Variants in THBD observed in about 807,000 individuals in gnomAD.
The protein encoded by THBD is CD141 antigen.
For missense variants in THBD, 850 were observed against 816.9 expected (o/e 1.04, Z -0.49); for synonymous variants, 449 against 374.2 (o/e 1.20, Z -2.31).
Position 23,048,873 on chromosome 20 carries a change from C to A in THBD, c.632G>T (p.Ser211Ile). 6.6e-7 allele frequency: 1 copy of A among 1,506,474 alleles called. No homozygotes were observed. The highest frequency in any genetic ancestry group is 2.1e-5 in the Admixed American group (1 of 47,328). The allele number at this position is 1,506,474 out of a possible 1,614,324, so 93.3% of individuals were successfully genotyped here. A position where few individuals can be genotyped will look rare whatever the true frequency, so the allele number is the denominator to read the frequency against. Residue 211 changes from serine (S) to isoleucine (I), a missense_variant, in exon 1 of 1, where the codon AGC (serine) becomes ATC (isoleucine). Transcript: ENST00000377103. Reference protein sequence around the residue: ...GADFQALPVGSSAAVAPLGLQ... With the variant: ...GADFQALPVGISAAVAPLGLQ... ...GCCGAGGGGAGCCACCGCGGCGGAG[C>A]TGCCCACCGGCAGCGCCTGGAAGTC...
In THBD at chr20:23,047,754, C is replaced by G. The variant is rs1568665514; in HGVS notation, c.*23G>C. 1.9e-6 allele frequency: 3 copies of G among 1,548,132 alleles called. No individual in the cohort carries two copies. The South Asian group carries it at 3.5e-5, about 18-fold the overall frequency. Reference sequence around the variant, plus strand: ...AGGAGGCACAGGCTCCTGGACGGAGCCAGGCTCCTGGACGGAGGCCGCTCA... The same window carrying G: ...AGGAGGCACAGGCTCCTGGACGGAGGCAGGCTCCTGGACGGAGGCCGCTCA... On this transcript the variant is annotated 3_prime_UTR_variant, in exon 1 of 1. Transcript: ENST00000377103.
At position 23,047,791 on chromosome 20, in the gene THBD, GCGTC is replaced by G; in HGVS notation, c.1710_1713del (p.Thr571ArgfsTer31). ...ACGGAGGCCGCTCAGAGTCTCTGCG[GCGTC>G]CGCTCGGTCCGCACGTGCTGCAGCA... is the stretch of plus-strand genomic sequence containing the variant. On this transcript the variant is annotated frameshift_variant, in exon 1 of 1. Transcript: ENST00000377103. LOFTEE classifies it high-confidence loss of function. 6.3e-7 allele frequency: 1 copy of G among 1,587,600 alleles called. No individual in the cohort carries two copies. The highest frequency in any genetic ancestry group is 1.3e-5 in the African/African-American group (1 of 74,590).
In THBD at chr20:23,048,944, G is replaced by A. The variant is rs573436490; in HGVS notation, c.561C>T (p.Ala187=). 12 of 1,542,694 alleles carry A rather than the reference G, an allele frequency of 7.8e-6. No homozygotes were observed. In the African/African-American group the frequency reaches 1.2e-4, roughly 16 times the overall value. The change falls in exon 1 of 1, where the codon GCC becomes GCT. Residue 187 remains alanine (A), a synonymous_variant. Transcript: ENST00000377103. ...PLAVEPGAAA[A]AVSITYGTPF... ...GGGTGCCGTAGGTGATCGAGACGGC[G>A]GCAGCCGCGGCGCCGGGCTCCACAG...
Position 23,047,082 on chromosome 20 carries a change from T to G in THBD, c.*695A>C, listed in dbSNP as rs1306669457. 6.6e-6 allele frequency: 1 copy of G among 152,188 alleles called. No homozygotes were observed. Among genetic ancestry groups the G allele is most frequent in the Non-Finnish European group, 1.5e-5 (1 of 68,036 alleles). The allele number at this position is 152,188 out of a possible 1,614,324, so 9.4% of individuals were successfully genotyped here. A position where few individuals can be genotyped will look rare whatever the true frequency, so the allele number is the denominator to read the frequency against. ...ATCTGGTGAAAAAGCAAATGGCCATTTTTATTTTTAGTGTTTTTGTTTCTG... is the reference window on the plus strand; with the variant it reads ...ATCTGGTGAAAAAGCAAATGGCCATGTTTATTTTTAGTGTTTTTGTTTCTG... On this transcript the variant is annotated 3_prime_UTR_variant, in exon 1 of 1. Coordinates refer to ENST00000377103, the MANE Select transcript of THBD (RefSeq NM_000361.3).
chr20:23,049,511 C>T lies in THBD; in HGVS notation c.-7G>A, dbSNP rs763460576. ...GGACCAGGACCCCAAGCATGTTACC[C>T]AGGCGCGCCGCGTGCAGGCGCCGGG... On this transcript the variant is annotated 5_prime_UTR_variant, in exon 1 of 1. Coordinates refer to ENST00000377103, the MANE Select transcript of THBD (RefSeq NM_000361.3). 2 of 1,531,812 alleles carry T rather than the reference C, an allele frequency of 1.3e-6. No homozygotes were observed. The highest frequency in any genetic ancestry group is 1.8e-6 in the Non-Finnish European group (2 of 1,137,878). 94.9% of individuals were successfully genotyped at this position (1,531,812 alleles called of 1,614,324 possible). A position where few individuals can be genotyped will look rare whatever the true frequency, so the allele number is the denominator to read the frequency against.
In THBD at chr20:23,049,053, G is replaced by A. The variant is rs1346253745; in HGVS notation, c.452C>T (p.Pro151Leu). Residue 151 changes from proline (P) to leucine (L), a missense_variant, in exon 1 of 1, where the codon CCG becomes CTG. Coordinates refer to ENST00000377103, the MANE Select transcript of THBD (RefSeq NM_000361.3). The stretch of plus-strand genomic sequence containing the variant: ...TTCGCACTGCTGCTCCTCCCAGATC[G>A]GCTCGCTGGGCACAGTGGCCTCAGC... ...SAAEATVPSE[P>L]IWEEQQCEVK... 6.4e-7 allele frequency: 1 copy of A among 1,564,074 alleles called. No homozygotes were observed. Among genetic ancestry groups the A allele is most frequent in the South Asian group, 1.2e-5 (1 of 85,760 alleles).
In THBD at chr20:23,049,022, C is replaced by T; in HGVS notation, c.483G>A (p.Lys161=). The part of the protein sequence containing the change: ...PIWEEQQCEV[K]ADGFLCEFHF... Reference sequence around the variant, plus strand: ...GGAACTCGCAGAGGAAGCCATCGGCCTTCACTTCGCACTGCTGCTCCTCCC... The same window carrying T: ...GGAACTCGCAGAGGAAGCCATCGGCTTTCACTTCGCACTGCTGCTCCTCCC... Residue 161 remains lysine, a synonymous_variant, in exon 1 of 1, where the codon AAG becomes AAA. Coordinates refer to ENST00000377103, the MANE Select transcript of THBD (RefSeq NM_000361.3). 6 of 1,573,754 alleles carry T rather than the reference C, an allele frequency of 3.8e-6. No homozygotes were observed. Among genetic ancestry groups the T allele is most frequent in the Non-Finnish European group, 5.2e-6 (6 of 1,158,806 alleles).
rs1984598774 is a variant in THBD at position 23,047,471 on chromosome 20, C to G, written c.*306G>C. On this transcript the variant is annotated 3_prime_UTR_variant, in exon 1 of 1. Coordinates refer to ENST00000377103, the MANE Select transcript of THBD (RefSeq NM_000361.3). Reference sequence around the variant, plus strand: ...AGGTCAAGGTCTGCCCAGAAGGCTGCCGACCAATAACGCTCACCCTCCTGC... The same window carrying G: ...AGGTCAAGGTCTGCCCAGAAGGCTGGCGACCAATAACGCTCACCCTCCTGC... The G allele has an allele frequency of 2.0e-6, 1 of 494,886 alleles. No homozygotes were observed. Among genetic ancestry groups the G allele is most frequent in the Non-Finnish European group, 3.6e-6 (1 of 279,894 alleles). The allele number at this position is 494,886 out of a possible 1,614,324, so 30.7% of individuals were successfully genotyped here.
In THBD at chr20:23,048,619, A is replaced by T. The variant is rs1161772831; in HGVS notation, c.886T>A (p.Cys296Ser). The change falls in exon 1 of 1, where the codon TGC (cysteine) becomes AGC (serine). Residue 296 changes from cysteine (C) to serine (S), a missense_variant. Cys to Ser is a moderately radical substitution (Grantham distance 112). Coordinates refer to ENST00000377103, the MANE Select transcript of THBD (RefSeq NM_000361.3). ...CCCGGCTGGTCGGGGTTGGGAACGC[A>T]GAAGTGCTCGCAGAGGTCGTTGCAG... Reference protein sequence around the residue: ...QSCNDLCEHFCVPNPDQPGSY... With the variant: ...QSCNDLCEHFSVPNPDQPGSY... 6.3e-7 allele frequency: 1 copy of T among 1,597,982 alleles called. No homozygotes were observed. The highest frequency in any genetic ancestry group is 2.2e-5 in the East Asian group (1 of 44,802).
rs2122665991 is a variant in THBD at position 23,046,498 on chromosome 20, C to T, written c.*1279G>A. 1 of 152,336 alleles carries T rather than the reference C, an allele frequency of 6.6e-6. No individual in the cohort carries two copies. Among genetic ancestry groups the T allele is most frequent in the South Asian group, 2.1e-4 (1 of 4,824 alleles). 9.4% of individuals were successfully genotyped at this position (152,336 alleles called of 1,614,324 possible). A position where few individuals can be genotyped will look rare whatever the true frequency, so the allele number is the denominator to read the frequency against. On this transcript the variant is annotated 3_prime_UTR_variant, in exon 1 of 1. Transcript: ENST00000377103. ...TAGGATTCTGCATTTCTAACCAGCTCCCATGGGCAGGGCAGCTTCCAATTC... is the reference window on the plus strand; with the variant it reads ...TAGGATTCTGCATTTCTAACCAGCTTCCATGGGCAGGGCAGCTTCCAATTC...
In THBD at chr20:23,047,787, T is replaced by C; in HGVS notation, c.1718A>G (p.Gln573Arg). 1 of 1,585,398 alleles carries C rather than the reference T, an allele frequency of 6.3e-7. No homozygotes were observed. The highest frequency in any genetic ancestry group is 8.6e-7 in the Non-Finnish European group (1 of 1,166,992). Residue 573 changes from glutamine to arginine, a missense_variant, in exon 1 of 1, where the codon CAG becomes CGG. By Grantham distance (43) the Gln-to-Arg change is conservative. Transcript: ENST00000377103. ...CTGGACGGAGGCCGCTCAGAGTCTC[T>C]GCGGCGTCCGCTCGGTCCGCACGTG... ...LQHVRTERTP[Q>R]RL
rs1004255849 is a variant in THBD at position 23,045,646 on chromosome 20, A to T, written c.*2131T>A. 1 of 152,228 alleles carries T rather than the reference A, an allele frequency of 6.6e-6. No homozygotes were observed. The highest frequency in any genetic ancestry group is 1.5e-5 in the Non-Finnish European group (1 of 68,048). 9.4% of individuals were successfully genotyped at this position (152,228 alleles called of 1,614,324 possible). On this transcript the variant is annotated 3_prime_UTR_variant, in exon 1 of 1. Coordinates refer to ENST00000377103, the MANE Select transcript of THBD (RefSeq NM_000361.3). ...CGGACACACAGCTGGGATTCGCCAG[A>T]TGCCCCAGGAAGGGTTTATTTAATT...
At position 23,046,073 on chromosome 20, in the gene THBD, T is replaced by A. The variant is rs1296408499; in HGVS notation, c.*1704A>T. The A allele has an allele frequency of 6.6e-6, 1 of 152,340 alleles. No homozygotes were observed. Among genetic ancestry groups the A allele is most frequent in the Non-Finnish European group, 1.5e-5 (1 of 68,026 alleles). The allele number at this position is 152,340 out of a possible 1,614,324, so 9.4% of individuals were successfully genotyped here. The stretch of plus-strand genomic sequence containing the variant: ...TGCCTGTGTTCTAGATTATCTCCAA[T>A]AAATAAATAACTATGTACAAATATT... On this transcript the variant is annotated 3_prime_UTR_variant, in exon 1 of 1. Coordinates refer to ENST00000377103, the MANE Select transcript of THBD (RefSeq NM_000361.3).
In THBD at chr20:23,048,598, G is replaced by C; in HGVS notation, c.907C>G (p.Pro303Ala). ...EHFCVPNPDQ[P>A]GSYSCMCETG... ...TCGCACATGCACGAGTAGGAGCCCGGCTGGTCGGGGTTGGGAACGCAGAAG... is the reference window on the plus strand; with the variant it reads ...TCGCACATGCACGAGTAGGAGCCCGCCTGGTCGGGGTTGGGAACGCAGAAG... The change falls in exon 1 of 1, where the codon CCG becomes GCG. Residue 303 changes from proline to alanine, a missense_variant. By Grantham distance (27) the Pro-to-Ala change is conservative (BLOSUM62 -1). Transcript: ENST00000377103. 1 of 1,598,836 alleles carries C rather than the reference G, an allele frequency of 6.3e-7. No individual in the cohort carries two copies. The highest frequency in any genetic ancestry group is 8.5e-7 in the Non-Finnish European group (1 of 1,179,562).
At position 23,048,087 on chromosome 20, in the gene THBD, G is replaced by A. The variant is rs1042579; in HGVS notation, c.1418C>T (p.Ala473Val). The change falls in exon 1 of 1, where the codon GCC (alanine) becomes GTC (valine). Residue 473 changes from alanine (A) to valine (V), a missense_variant. By Grantham distance (64) the Ala-to-Val change is moderately conservative. Coordinates refer to ENST00000377103, the MANE Select transcript of THBD (RefSeq NM_000361.3). ...GTCACAGTCGGTGCCAATGTGGCGG[G>A]CAAGGGCCGAGTCGGGCCCGCAGAT... Reference protein sequence around the residue: ...ECICGPDSALARHIGTDCDSG... With the variant: ...ECICGPDSALVRHIGTDCDSG... The A allele has an allele frequency of 0.19, 298,724 of 1,611,792 alleles. 29,920 individuals are homozygous for A. The highest frequency in any genetic ancestry group is 0.28 in the East Asian group (12,463 of 44,800).
chr20:23,048,657 G>C lies in THBD; in HGVS notation c.848C>G (p.Ser283Cys). 6.3e-7 allele frequency: 1 copy of C among 1,593,042 alleles called. No individual in the cohort carries two copies. The highest frequency in any genetic ancestry group is 8.5e-7 in the Non-Finnish European group (1 of 1,177,034). The change falls in exon 1 of 1, where the codon TCC (serine) becomes TGC (cysteine). Residue 283 changes from serine (S) to cysteine (C), a missense_variant. By Grantham distance (112) the Ser-to-Cys change is moderately radical (BLOSUM62 -1). Transcript: ENST00000377103. ...GAGGTCGTTGCAGGACTGCGTCGCG[G>C]ATGCGGTGCAGGAGCGCCCGTCTGC... ...LQADGRSCTA[S>C]ATQSCNDLCE...
At position 23,049,071 on chromosome 20, in the gene THBD, G is replaced by A. The variant is rs1269801564; in HGVS notation, c.434C>T (p.Ala145Val). 2.5e-6 allele frequency: 4 copies of A among 1,572,684 alleles called. No individual in the cohort carries two copies. ...PLCVAVSAAEATVPSEPIWEE... is the reference protein window; with the variant it reads ...PLCVAVSAAEVTVPSEPIWEE... ...CCAGATCGGCTCGCTGGGCACAGTG[G>A]CCTCAGCAGCGGAGACAGCGACGCA... The change falls in exon 1 of 1, where the codon GCC becomes GTC. Residue 145 changes from alanine (A) to valine (V), a missense_variant. Coordinates refer to ENST00000377103, the MANE Select transcript of THBD (RefSeq NM_000361.3).
Position 23,048,169 on chromosome 20 carries a change from C to T in THBD, c.1336G>A (p.Glu446Lys), listed in dbSNP as rs763736679. The T allele has an allele frequency of 3.7e-6, 6 of 1,613,904 alleles. No individual in the cohort carries two copies. The highest frequency in any genetic ancestry group is 2.2e-5 in the East Asian group (1 of 44,894). Reference sequence around the variant, plus strand: ...ACCCCGGAGCAGAAGCCGCCGTTTTCGCACTCGTCGATGTCCGTGCAGATG... The same window carrying T: ...ACCCCGGAGCAGAAGCCGCCGTTTTTGCACTCGTCGATGTCCGTGCAGATG... ...GFICTDIDEC[E>K]NGGFCSGVCH... The change falls in exon 1 of 1, where the codon GAA becomes AAA. Residue 446 changes from glutamate to lysine, a missense_variant. Glu to Lys is a moderately conservative substitution (Grantham distance 56, BLOSUM62 1). Coordinates refer to ENST00000377103, the MANE Select transcript of THBD (RefSeq NM_000361.3).
rs1287696117 is a variant in THBD, at chr20:23,049,135, G to A, written c.370C>T (p.Arg124Trp). The A allele has an allele frequency of 5.0e-6, 8 of 1,591,996 alleles. No individual in the cohort carries two copies. Among genetic ancestry groups the A allele is most frequent in the South Asian group, 1.1e-5 (1 of 87,486 alleles). ...DNNTSYSRWARLDLNGAPLCG... is the reference protein window; with the variant it reads ...DNNTSYSRWAWLDLNGAPLCG... Reference sequence around the variant, plus strand: ...AGGGGAGCCCCATTGAGGTCGAGCCGTGCCCACCTGCTATAGCTGGTGTTG... The same window carrying A: ...AGGGGAGCCCCATTGAGGTCGAGCCATGCCCACCTGCTATAGCTGGTGTTG... The change falls in exon 1 of 1, where the codon CGG becomes TGG. Residue 124 changes from arginine to tryptophan, a missense_variant. By Grantham distance (101) the Arg-to-Trp change is moderately radical. Transcript: ENST00000377103.
Sources: allele counts gnomAD v4.1 joint callset, GRCh38; gene constraint gnomAD v4.1.1; transcripts MANE v1.5; gene names NCBI Gene and HGNC (gene_info 2026-07-23, HGNC 2026-07-21).